IKZF3: variants seen among roughly 807,000 people sequenced by gnomAD.
IKZF3 encodes the protein IKAROS family zinc finger 3, also known as zinc finger protein Aiolos.
A neutral mutation model predicts 49.0 loss-of-function variants in IKZF3; 10 were observed. That is an observed-to-expected ratio of 0.20 (90% CI 0.13 to 0.35). The LOEUF is 0.35. Among genes scored for constraint, IKZF3 ranks in the 10% least tolerant of loss-of-function variants. The probability of loss-of-function intolerance (pLI) is 1.00; values close to 1 mark genes in which losing one functional copy is unlikely to be tolerated. For missense variants in IKZF3, 498 were observed against 664.8 expected (o/e 0.75, Z 2.76); for synonymous variants, 209 against 228.2 (o/e 0.92, Z 0.76).
chr17:39,834,287 C>T (rs940206764), intron 1 of IKZF3, among the ~76,000 whole-genome samples: 12 of 152,312 alleles, frequency 7.9e-5, no homozygotes, highest in African/African-American at 2.9e-4. Flanking sequence ...AAAAGTGCTT[C>T]TTCCCTCTAC....
chr17:39,801,101 C>T (rs773632695), intron 3 of IKZF3, among the ~76,000 whole-genome samples: 1 of 151,928 alleles, frequency 6.6e-6, no homozygotes, highest in South Asian at 2.1e-4. Context: ...TCAGGTCTGC[C>T]GGAGATATTG....
intron 3 of IKZF3, among the ~76,000 whole-genome samples, chr17:39,810,050 G>A (rs1169607251): frequency 6.6e-6 from 1 of 152,080 alleles, no homozygotes; most frequent in Non-Finnish European, 1.5e-5. Flanking sequence ...CCCAGAAAAA[G>A]GTACACATGC....
rs998455303 is a variant in IKZF3, at chr17:39,763,995, A to C, written c.*1795T>G. 1 of 152,234 alleles carries C rather than the reference A, an allele frequency of 6.6e-6. No homozygotes were observed. The highest frequency in any genetic ancestry group is 1.5e-5 in the Non-Finnish European group (1 of 68,066). The allele number at this position is 152,234 out of a possible 1,614,324, so 9.4% of individuals were successfully genotyped here. Reference sequence around the variant, plus strand: ...CAGCCTCCGGAGTAGCTGGGATTACAGGCATGTGCCACTACTGCCCAGCTA... The same window carrying C: ...CAGCCTCCGGAGTAGCTGGGATTACCGGCATGTGCCACTACTGCCCAGCTA... On this transcript the variant is annotated 3_prime_UTR_variant, in exon 8 of 8. Coordinates refer to ENST00000346872, the MANE Select transcript of IKZF3 (RefSeq NM_012481.5).
intron 3 of IKZF3, among the ~76,000 whole-genome samples, chr17:39,811,619 C>G (rs67135646): frequency 0.093 from 14,079 of 152,194 alleles, 1,328 homozygotes; most frequent in African/African-American, 0.25. Context: ...CCCAGCATTT[C>G]AAGAACACTA....
intron 1 of IKZF3, among the ~76,000 whole-genome samples, chr17:39,850,444 T>C (rs1025290634): frequency 1.8e-4 from 23 of 129,514 alleles, no homozygotes; most frequent in African/African-American, 6.6e-4. Context: ...TAATATATAG[T>C]ATAAATATAT....
intron 7 of IKZF3, among the ~76,000 whole-genome samples, chr17:39,773,638 G>A (rs556658692): frequency 6.6e-6 from 1 of 152,270 alleles, no homozygotes; most frequent in African/African-American, 2.4e-5. Flanking sequence ...GAGATGCTAT[G>A]GTAACCACTT....
chr17:39,778,078 TGG>T, intron 6 of IKZF3: 1 of 1,030,568 alleles, frequency 9.7e-7, no homozygotes, highest in Non-Finnish European at 1.2e-6. Flanking sequence ...GATAGATAGA[TGG>T]AGATCTAACC....
At position 39,854,279 on chromosome 17, in the gene IKZF3, C is replaced by G. The variant is rs190552447; in HGVS notation, c.7+9841G>C. On this transcript the variant is annotated intron_variant, in intron 1 of 7. Coordinates refer to ENST00000346872, the MANE Select transcript of IKZF3 (RefSeq NM_012481.5). ...ATTTGTAGAATCACCATGAATGCAA[C>G]AGCTAAATGCAGAAGGATGCATGCT... Among the ~76,000 whole-genome samples the G allele has an allele frequency of 4.5e-4, 67 of 150,498 alleles. 1 individual carries two copies. In the East Asian group the frequency reaches 0.013, roughly 29 times the overall value.
chr17:39,777,680 C>T lies in IKZF3; in HGVS notation c.797G>A (p.Arg266Gln), dbSNP rs2060623863. The change falls in exon 7 of 8, where the codon CGA (arginine) becomes CAA (glutamine). Residue 266 changes from arginine to glutamine, a missense_variant. By Grantham distance (43) the Arg-to-Gln change is conservative (BLOSUM62 1). Coordinates refer to ENST00000346872, the MANE Select transcript of IKZF3 (RefSeq NM_012481.5). The part of the protein sequence containing the change: ...LDRLASNVAK[R>Q]KSSMPQKFIG... Reference sequence around the variant, plus strand: ...GAATTTCTGAGGCATTGAGCTTTTTCGTTTTGCCACATTGCTTGCTAATCT... The same window carrying T: ...GAATTTCTGAGGCATTGAGCTTTTTTGTTTTGCCACATTGCTTGCTAATCT... The T allele has an allele frequency of 1.9e-6, 3 of 1,613,240 alleles. No homozygotes were observed. Among genetic ancestry groups the T allele is most frequent in the Non-Finnish European group, 2.5e-6 (3 of 1,179,650 alleles).
rs2063293956 is a variant in IKZF3 at position 39,864,029 on chromosome 17, A to T, written c.7+91T>A. 2.6e-6 allele frequency: 4 copies of T among 1,543,774 alleles called. No individual in the cohort carries two copies. In the African/African-American group the frequency reaches 4.1e-5, roughly 16 times the overall value. On this transcript the variant is annotated intron_variant, in intron 1 of 7. Transcript: ENST00000346872. ...TTTGACAAAAGAAGTAAATAGAAGC[A>T]AAACTGAGATTCAGAAGAAACTCTT...
At chr17:39,784,277 G>A (rs917538258) in intron 6 of IKZF3, among the ~76,000 whole-genome samples, 18 of 152,128 alleles carry the variant, frequency 1.2e-4, no homozygotes, top group Non-Finnish European at 2.1e-4. Context: ...ATGGGAAAAT[G>A]CAGTCCATGT....
chr17:39,843,472 A>G (rs1165999311), intron 1 of IKZF3, among the ~76,000 whole-genome samples: 1 of 152,108 alleles, frequency 6.6e-6, no homozygotes. Context: ...ACTAGCTCAA[A>G]GCTTTCACAT....
At chr17:39,859,474 G>C (rs533936969) in intron 1 of IKZF3, among the ~76,000 whole-genome samples, 2 of 150,924 alleles carry the variant, frequency 1.3e-5, no homozygotes, top group East Asian at 1.9e-4. Flanking sequence ...CGGTAGCCTC[G>C]ACCTCCCAGG....
intron 2 of IKZF3, 133 bp from the exon 3 acceptor site, chr17:39,829,621 A>G: frequency 1.6e-6 from 1 of 619,100 alleles, no homozygotes; most frequent in Non-Finnish European, 2.8e-6. Context: ...CTTCACACAT[A>G]CCCAAAAGGG....
At chr17:39,824,648 A>T (rs556044700) in intron 3 of IKZF3, among the ~76,000 whole-genome samples, 1 of 150,932 alleles carries the variant, frequency 6.6e-6, no homozygotes, top group Admixed American at 6.6e-5. Flanking sequence ...GGTTTCCCCC[A>T]TGTTGGTCTT....
At chr17:39,779,646 G>GTTTTTTTTTTTTTTTTTTTTTTT in intron 6 of IKZF3, among the ~76,000 whole-genome samples, 1 of 117,816 alleles carries the variant, frequency 8.5e-6, no homozygotes, top group Non-Finnish European at 1.7e-5. Context: ...TATATTCTTT[G>GTTTTTTTTTTTTTTTTTTTTTTT]TTTTTTGTTT....
At position 39,761,746 on chromosome 17, in the gene IKZF3, C is replaced by G. The variant is rs775707551; in HGVS notation, c.*4044G>C. 1 of 152,190 alleles carries G rather than the reference C, an allele frequency of 6.6e-6. No homozygotes were observed. Among genetic ancestry groups the G allele is most frequent in the African/African-American group, 2.4e-5 (1 of 41,382 alleles). The allele number at this position is 152,190 out of a possible 1,614,324, so 9.4% of individuals were successfully genotyped here. A position where few individuals can be genotyped will look rare whatever the true frequency, so the allele number is the denominator to read the frequency against. ...TTAGACAGAGTTTCGCTCTTGTTGC[C>G]GAGGCTGGAGTGCAGTGGTGCCATC... On this transcript the variant is annotated 3_prime_UTR_variant, in exon 8 of 8. Coordinates refer to ENST00000346872, the MANE Select transcript of IKZF3 (RefSeq NM_012481.5).
At chr17:39,791,301 C>A in intron 5 of IKZF3, 115 bp downstream of exon 5, 2 of 1,099,798 alleles carry the variant, frequency 1.8e-6, no homozygotes, top group Non-Finnish European at 2.7e-6. Context: ...GCTGTTGTAA[C>A]CCTTCAGAAC....
At chr17:39,805,859 C>T (rs2061421456) in intron 3 of IKZF3, among the ~76,000 whole-genome samples, 1 of 152,172 alleles carries the variant, frequency 6.6e-6, no homozygotes, top group African/African-American at 2.4e-5. Flanking sequence ...AGAATCTGGC[C>T]AACAAACTGC....
Sources: allele counts gnomAD v4.1 joint callset (sites outside exome capture counted in the v4.1 genomes callset), GRCh38; gene constraint gnomAD v4.1.1; transcripts MANE v1.5; gene names NCBI Gene and HGNC (gene_info 2026-07-23, HGNC 2026-07-21).